Variants in DCC observed in about 807,000 individuals in gnomAD.
DCC encodes the protein netrin receptor DCC.
DCC carries 58 observed loss-of-function variants against 172.5 expected under a neutral mutation model. That is an observed-to-expected ratio of 0.34 (90% confidence interval 0.27 to 0.42). The LOEUF (loss-of-function observed/expected upper bound fraction) is 0.42. DCC is among the 10% of genes least tolerant of loss of function. The pLI is 1.00. For missense variants in DCC, 1,740 were observed against 1,791.0 expected, an observed-to-expected ratio of 0.97 and a Z score of 0.51; for synonymous variants, 709 against 644.5, an observed-to-expected ratio of 1.10 and a Z score of -1.52.
intron 1 of DCC, among the ~76,000 whole-genome samples, chr18:52,387,881 C>T (rs963641364): frequency 6.6e-6 from 1 of 151,952 alleles, no homozygotes; most frequent in Non-Finnish European, 1.5e-5. Context: ...AAAAGTTTAA[C>T]CAATATCTAG....
chr18:52,613,692 A>C (rs993239246), intron 1 of DCC, among the ~76,000 whole-genome samples: 2 of 152,152 alleles, frequency 1.3e-5, no homozygotes, highest in Non-Finnish European at 2.9e-5. Flanking sequence ...TCTAACACTT[A>C]AATAGCTGTA....
At chr18:52,957,691 T>A (rs542974260) in intron 5 of DCC, among the ~76,000 whole-genome samples, 39 of 152,176 alleles carry the variant, frequency 2.6e-4, no homozygotes, top group African/African-American at 9.4e-4. Flanking sequence ...CATGAGAAAT[T>A]AGTGTCCAGG....
chr18:52,452,081 T>C (rs1988323306), intron 1 of DCC, among the ~76,000 whole-genome samples: 1 of 152,200 alleles, frequency 6.6e-6, no homozygotes, highest in South Asian at 2.1e-4. Context: ...GTGAGTGGCT[T>C]TGGTTATCTG....
intron 17 of DCC, among the ~76,000 whole-genome samples, chr18:53,396,334 T>G (rs1908942171): frequency 6.6e-6 from 1 of 152,228 alleles, no homozygotes. Flanking sequence ...AAATATACTT[T>G]AATGGATTAA....
At chr18:53,320,623 T>C (rs572957817) in intron 13 of DCC, among the ~76,000 whole-genome samples, 2 of 152,304 alleles carry the variant, frequency 1.3e-5, no homozygotes, top group South Asian at 4.1e-4. Flanking sequence ...ACTTAAGGAA[T>C]GACAAAGGCC....
intron 5 of DCC, among the ~76,000 whole-genome samples, chr18:52,960,077 C>A (rs1233588950): frequency 6.6e-6 from 1 of 152,094 alleles, no homozygotes; most frequent in Non-Finnish European, 1.5e-5. Flanking sequence ...CTTGGAGATA[C>A]ACGCACCCAC....
chr18:53,207,405 A>C (rs1322638568), intron 10 of DCC, among the ~76,000 whole-genome samples: 2 of 152,196 alleles, frequency 1.3e-5, no homozygotes, highest in Non-Finnish European at 2.9e-5. Context: ...AGGTGTGGGT[A>C]GAATAACCCA....
At chr18:53,408,447 C>T (rs748104274) in intron 19 of DCC, among the ~76,000 whole-genome samples, 8 of 152,162 alleles carry the variant, frequency 5.3e-5, no homozygotes, top group Non-Finnish European at 1.0e-4. Context: ...AAAGTATTCT[C>T]CATTGGGCAG....
At position 53,259,801 on chromosome 18, in the gene DCC, T is replaced by A. The variant is rs997591669; in HGVS notation, c.1911+44204T>A. ...AGTTCTCCTGGATAATATCCTGCAGTATGTTTTCCAACTTGGTTCCATTCT... is the reference window on the plus strand; with the variant it reads ...AGTTCTCCTGGATAATATCCTGCAGAATGTTTTCCAACTTGGTTCCATTCT... On this transcript the variant is annotated intron_variant, in intron 12 of 28. Transcript: ENST00000442544. 1.7e-4 allele frequency among the ~76,000 whole-genome samples: 26 copies of A among 152,298 alleles called. No individual in the cohort carries two copies. In the South Asian group the frequency reaches 4.8e-3, roughly 28 times the overall value.
chr18:52,644,630 C>A (rs1423502030), intron 1 of DCC, among the ~76,000 whole-genome samples: 2 of 151,080 alleles, frequency 1.3e-5, no homozygotes, highest in Non-Finnish European at 2.9e-5. Context: ...TGGCTCCAGC[C>A]TATAATTCCA....
chr18:52,591,194 G>A (rs2033791844), intron 1 of DCC, among the ~76,000 whole-genome samples: 2 of 152,066 alleles, frequency 1.3e-5, no homozygotes, highest in South Asian at 4.2e-4. Flanking sequence ...AATTCTTCTG[G>A]ACTTTGAGAT....
At chr18:53,116,508 ATGG>A (rs1372034485) in intron 7 of DCC, among the ~76,000 whole-genome samples, 1 of 151,672 alleles carries the variant, frequency 6.6e-6, no homozygotes, top group Non-Finnish European at 1.5e-5. Flanking sequence ...CTTTAGTTAC[ATGG>A]TTTTGTTTTC....
chr18:52,510,015 A>C (rs2031375474), intron 1 of DCC, among the ~76,000 whole-genome samples: 1 of 152,078 alleles, frequency 6.6e-6, no homozygotes, highest in Non-Finnish European at 1.5e-5. Flanking sequence ...GAGGCAGAAG[A>C]ATCGCTTGAA....
intron 8 of DCC, among the ~76,000 whole-genome samples, chr18:53,167,566 T>A (rs1241095098): frequency 6.6e-6 from 1 of 152,200 alleles, no homozygotes; most frequent in East Asian, 1.9e-4. Context: ...GGAGATTTTA[T>A]GTAATTATTC....
At chr18:53,353,715 C>T (rs1314307133) in intron 15 of DCC, among the ~76,000 whole-genome samples, 2 of 152,038 alleles carry the variant, frequency 1.3e-5, no homozygotes, top group Non-Finnish European at 2.9e-5. Context: ...TAAGGATGTT[C>T]CACCATTATT....
At chr18:52,790,671 C>T (rs57340840) in intron 2 of DCC, among the ~76,000 whole-genome samples, 3,364 of 152,268 alleles carry the variant, frequency 0.022, 120 homozygotes, top group African/African-American at 0.076. Flanking sequence ...GCTTCCTTTC[C>T]TATCAACAGT....
intron 12 of DCC, among the ~76,000 whole-genome samples, chr18:53,259,724 G>A (rs1172587151): frequency 6.6e-6 from 1 of 152,060 alleles, no homozygotes; most frequent in African/African-American, 2.4e-5. Flanking sequence ...TCTTTGTGGT[G>A]TTCTCTGTAT....
intron 1 of DCC, among the ~76,000 whole-genome samples, chr18:52,384,109 A>G (rs1169654311): frequency 5.3e-5 from 8 of 152,048 alleles, no homozygotes; most frequent in African/African-American, 1.9e-4. Context: ...GAGAATAATA[A>G]ATTTCTTATG....
At chr18:53,514,013 T>C (rs1246299024) in intron 27 of DCC, among the ~76,000 whole-genome samples, 3 of 151,666 alleles carry the variant, frequency 2.0e-5, no homozygotes. Context: ...AATATACATT[T>C]TTTTCAGCAC....
Sources: gnomAD v4.1 joint callset for allele counts (sites outside exome capture counted in the v4.1 genomes callset) on GRCh38, gnomAD v4.1.1 for gene constraint, MANE v1.5 for transcripts, NCBI Gene and HGNC (gene_info 2026-07-23, HGNC 2026-07-21) for gene names.